Variants in RORA observed in about 807,000 individuals in gnomAD.
RORA encodes the protein nuclear receptor ROR-alpha.
RORA carries 7 observed loss-of-function variants against 69.5 expected under a neutral mutation model. The observed-to-expected ratio is 0.10, with a 90% CI of 0.06 to 0.19. RORA has a LOEUF of 0.19. Among genes scored for constraint, RORA ranks in the 10% least tolerant of loss-of-function variants. The probability of loss-of-function intolerance (pLI) is 1.00; values close to 1 mark genes in which losing one functional copy is unlikely to be tolerated. For missense variants in RORA, 457 were observed against 663.0 expected, an observed-to-expected ratio of 0.69 and a Z score of 3.41; for synonymous variants, 261 against 240.8, an observed-to-expected ratio of 1.08 and a Z score of -0.78.
chr15:60,838,881 CACACACATAT>C (rs1567209322), intron 1 of RORA, among the ~76,000 whole-genome samples: 1 of 60,884 alleles, frequency 1.6e-5, no homozygotes, highest in Non-Finnish European at 4.6e-5. Context: ...CACACACACA[CACACACATAT>C]ACTTTTTTTT....
intron 1 of RORA, among the ~76,000 whole-genome samples, chr15:60,701,960 G>A (rs570278842): frequency 2.0e-5 from 3 of 152,260 alleles, no homozygotes; most frequent in Admixed American, 1.3e-4. Flanking sequence ...CCCGAGGAAC[G>A]CTTAATTGAT....
At chr15:60,755,661 A>G (rs987824481) in intron 1 of RORA, among the ~76,000 whole-genome samples, 2 of 152,124 alleles carry the variant, frequency 1.3e-5, no homozygotes, top group East Asian at 1.9e-4. Context: ...AGTCTTTTTC[A>G]TCTCTGAATC....
At chr15:60,897,833 G>A (rs1364673920) in intron 1 of RORA, among the ~76,000 whole-genome samples, 2 of 152,242 alleles carry the variant, frequency 1.3e-5, no homozygotes, top group Non-Finnish European at 2.9e-5. Flanking sequence ...TGAGCTTCCT[G>A]TTAAGCACCA....
chr15:61,137,091 GAAA>G (rs2079252214), intron 1 of RORA, among the ~76,000 whole-genome samples: 1 of 141,844 alleles, frequency 7.1e-6, no homozygotes, highest in African/African-American at 2.7e-5. Flanking sequence ...AAGAAAGAAA[GAAA>G]GAAAGAAAAA....
intron 1 of RORA, among the ~76,000 whole-genome samples, chr15:60,937,379 A>C (rs886895151): frequency 4.6e-5 from 7 of 152,184 alleles, no homozygotes; most frequent in Non-Finnish European, 8.8e-5. Context: ...TTGGTGAGAA[A>C]GCACTCACCA....
intron 1 of RORA, among the ~76,000 whole-genome samples, chr15:61,027,411 G>C (rs1457959100): frequency 1.3e-5 from 2 of 152,116 alleles, no homozygotes; most frequent in Non-Finnish European, 2.9e-5. Flanking sequence ...GGCTTATTCT[G>C]TTTTTAGCAT....
At position 60,499,976 on chromosome 15, in the gene RORA, T is replaced by G. The variant is rs981047412; in HGVS notation, c.1323A>C (p.Lys441Asn). The part of the protein sequence containing the change: ...ADRSWLQEKV[K>N]IEKLQQKIQL... ...GAATTTTCTGTTGCAGTTTTTCAAT[T>G]TTTACCTTTTCTTGCAGCCATGAGC... Residue 441 changes from lysine (K) to asparagine (N), a missense_variant, in exon 10 of 11, where the codon AAA (lysine) becomes AAC (asparagine). Coordinates refer to ENST00000335670, the MANE Select transcript of RORA (RefSeq NM_134261.3). The G allele has an allele frequency of 5.0e-6, 8 of 1,612,644 alleles. No homozygotes were observed. The African/African-American group carries it at 1.1e-4, about 22-fold the overall frequency.
chr15:61,206,234 G>C (rs576987719), intron 1 of RORA, among the ~76,000 whole-genome samples: 1 of 152,108 alleles, frequency 6.6e-6, no homozygotes, highest in African/African-American at 2.4e-5. Flanking sequence ...TATAAGAACT[G>C]ATTATTGCAG....
At chr15:61,146,459 T>C (rs28437937) in intron 1 of RORA, among the ~76,000 whole-genome samples, 5 of 149,628 alleles carry the variant, frequency 3.3e-5, no homozygotes, top group Non-Finnish European at 7.4e-5. Context: ...CACATACACA[T>C]ACACACACAC....
intron 1 of RORA, among the ~76,000 whole-genome samples, chr15:60,714,598 C>T (rs1424984251): frequency 6.6e-6 from 1 of 152,002 alleles, no homozygotes; most frequent in Non-Finnish European, 1.5e-5. Flanking sequence ...CTCCTGACCT[C>T]AGGTGATCCA....
At chr15:60,973,615 C>T (rs916935664) in intron 1 of RORA, among the ~76,000 whole-genome samples, 17 of 152,216 alleles carry the variant, frequency 1.1e-4, no homozygotes, top group African/African-American at 3.6e-4. Context: ...CTCTGACAAA[C>T]GGCACATCCC....
At chr15:60,625,048 CA>C (rs2069538099) in intron 2 of RORA, among the ~76,000 whole-genome samples, 1 of 152,122 alleles carries the variant, frequency 6.6e-6, no homozygotes, top group Admixed American at 6.5e-5. Context: ...TCTTCGTTTG[CA>C]AATTCAAACC....
At chr15:61,156,569 C>A (rs1022054824) in intron 1 of RORA, among the ~76,000 whole-genome samples, 1 of 152,032 alleles carries the variant, frequency 6.6e-6, no homozygotes, top group African/African-American at 2.4e-5. Context: ...GAGTGAAAAG[C>A]AAACAGGAAG....
intron 2 of RORA, among the ~76,000 whole-genome samples, chr15:60,602,398 A>G (rs986333354): frequency 1.3e-5 from 2 of 152,336 alleles, no homozygotes; most frequent in African/African-American, 2.4e-5. Flanking sequence ...AGCTGCCATT[A>G]AACTGGGTAA....
At chr15:60,956,851 T>C (rs1039389970) in intron 1 of RORA, among the ~76,000 whole-genome samples, 3 of 152,200 alleles carry the variant, frequency 2.0e-5, no homozygotes, top group African/African-American at 7.2e-5. Flanking sequence ...AGCTGTGAGT[T>C]AGGGACATAG....
At chr15:60,753,299 C>CT (rs2071753286) in intron 1 of RORA, among the ~76,000 whole-genome samples, 2 of 152,254 alleles carry the variant, frequency 1.3e-5, no homozygotes, top group African/African-American at 4.8e-5. Context: ...TCTTTCATCT[C>CT]TGTTACAGGG....
intron 1 of RORA, among the ~76,000 whole-genome samples, chr15:60,981,468 C>T (rs913843731): frequency 3.9e-5 from 6 of 152,064 alleles, no homozygotes; most frequent in African/African-American, 1.2e-4. Flanking sequence ...CTCCGGTCTC[C>T]TAGGCTCTGT....
At chr15:61,092,130 T>G (rs1190508205) in intron 1 of RORA, among the ~76,000 whole-genome samples, 1 of 152,252 alleles carries the variant, frequency 6.6e-6, no homozygotes, top group Admixed American at 6.5e-5. Flanking sequence ...GGATGCTTAA[T>G]AAATCATCAA....
At chr15:60,865,346 A>G (rs2073476122) in intron 1 of RORA, among the ~76,000 whole-genome samples, 1 of 152,210 alleles carries the variant, frequency 6.6e-6, no homozygotes. Flanking sequence ...TTATTCTATT[A>G]TCTTTGTGCT....
Sources: allele counts gnomAD v4.1 joint callset (sites outside exome capture counted in the v4.1 genomes callset), GRCh38; gene constraint gnomAD v4.1.1; transcripts MANE v1.5; gene names NCBI Gene and HGNC (gene_info 2026-07-23, HGNC 2026-07-21).